Variants in CCSER1 observed in about 807,000 individuals in gnomAD.
CCSER1 encodes coiled-coil serine rich protein 1.
CCSER1 carries 41 observed loss-of-function variants against 82.0 expected under a neutral mutation model. The ratio of observed to expected loss-of-function variants is 0.50; its 90% CI spans 0.39 to 0.65. The LOEUF is 0.65. Ranked by LOEUF, CCSER1 falls within the 30% of genes least tolerant of loss-of-function variation. The pLI, the probability that CCSER1 is intolerant of heterozygous loss-of-function variation, is 0.00. For missense variants in CCSER1, 1,119 were observed against 1,064.2 expected, an observed-to-expected ratio of 1.05 and a Z score of -0.72; for synonymous variants, 414 against 383.9, an observed-to-expected ratio of 1.08 and a Z score of -0.92.
chr4:90,229,860 A>T (rs1283134683), intron 1 of CCSER1, among the ~76,000 whole-genome samples: 1 of 152,216 alleles, frequency 6.6e-6, no homozygotes, highest in African/African-American at 2.4e-5. Context: ...AACAAAGATC[A>T]AAAGAGACAA....
intron 10 of CCSER1, among the ~76,000 whole-genome samples, chr4:91,523,145 C>T (rs555687177): frequency 4.0e-4 from 60 of 151,366 alleles, no homozygotes; most frequent in African/African-American, 1.4e-3. Context: ...GTGGTTTTGT[C>T]GTTTAGTTCT....
rs962020989 is a variant in CCSER1 at position 91,085,870 on chromosome 4, T to G, written c.2173-80T>G. On this transcript the variant is annotated intron_variant, in intron 9 of 10. Coordinates refer to ENST00000509176, the MANE Select transcript of CCSER1 (RefSeq NM_001145065.2). ...ACGAATAAGTGAATTATTTCCTTTATTTCAAAATTATTGCACTAATATGAA... is the reference window on the plus strand; with the variant it reads ...ACGAATAAGTGAATTATTTCCTTTAGTTCAAAATTATTGCACTAATATGAA... The G allele has an allele frequency of 9.7e-6, 8 of 828,600 alleles. No individual in the cohort carries two copies. In the African/African-American group the frequency reaches 1.2e-4, roughly 13 times the overall value. 51.3% of individuals were successfully genotyped at this position (828,600 alleles called of 1,614,324 possible).
chr4:90,400,122 C>T lies in CCSER1; in HGVS notation c.1596C>T (p.His532=). 2 of 1,574,284 alleles carry T rather than the reference C, an allele frequency of 1.3e-6. No homozygotes were observed. Among genetic ancestry groups the T allele is most frequent in the Non-Finnish European group, 1.7e-6 (2 of 1,145,166 alleles). ...AATTTTTAGAGGAACAGAGTCTTCACCCTTCTGGTAAGTGTTAAAGAGATG... is the reference window on the plus strand; with the variant it reads ...AATTTTTAGAGGAACAGAGTCTTCATCCTTCTGGTAAGTGTTAAAGAGATG... ...DLEFLEEQSL[H]PSVCREDSYH... Residue 532 remains histidine (H), a synonymous_variant, in exon 4 of 11, where the codon CAC becomes CAT. Transcript: ENST00000509176.
chr4:90,894,179 A>G (rs1580968640), intron 8 of CCSER1, among the ~76,000 whole-genome samples: 1 of 152,212 alleles, frequency 6.6e-6, no homozygotes, highest in East Asian at 1.9e-4. Context: ...AGAATAAATA[A>G]CATAGTGAGA....
intron 3 of CCSER1, among the ~76,000 whole-genome samples, chr4:90,398,471 C>A (rs907351764): frequency 1.3e-5 from 2 of 152,156 alleles, no homozygotes; most frequent in Non-Finnish European, 2.9e-5. Flanking sequence ...AAGAGTCTCT[C>A]ATTTGGATAG....
chr4:91,346,605 G>A (rs145370536), intron 10 of CCSER1, among the ~76,000 whole-genome samples: 240 of 152,258 alleles, frequency 1.6e-3, no homozygotes, highest in African/African-American at 5.5e-3. Context: ...GTATCCACCA[G>A]CAATGAATGA....
At chr4:91,063,946 GT>G (rs1744159164) in intron 9 of CCSER1, among the ~76,000 whole-genome samples, 1 of 152,110 alleles carries the variant, frequency 6.6e-6, no homozygotes, top group Non-Finnish European at 1.5e-5. Flanking sequence ...ATAAAATCCT[GT>G]AATATTTTCT....
intron 1 of CCSER1, among the ~76,000 whole-genome samples, chr4:90,172,828 T>G (rs1434111128): frequency 6.6e-6 from 1 of 151,872 alleles, no homozygotes; most frequent in Non-Finnish European, 1.5e-5. Flanking sequence ...ACAATATGTG[T>G]GCCTGGTGGT....
At chr4:90,881,730 A>G (rs542099790) in intron 8 of CCSER1, among the ~76,000 whole-genome samples, 2 of 152,286 alleles carry the variant, frequency 1.3e-5, no homozygotes, top group African/African-American at 4.8e-5. Flanking sequence ...GGTTTCAGTG[A>G]GCCAAGATCA....
At chr4:91,148,162 C>A (rs1425056548) in intron 10 of CCSER1, among the ~76,000 whole-genome samples, 5 of 152,048 alleles carry the variant, frequency 3.3e-5, no homozygotes, top group Non-Finnish European at 7.4e-5. Context: ...TAGTGCAAAA[C>A]CTTTATCATA....
In CCSER1 at chr4:90,197,633, A is replaced by G. The variant is rs138506252; in HGVS notation, c.-42+69802A>G. 2.6e-4 allele frequency among the ~76,000 whole-genome samples: 40 copies of G among 152,276 alleles called. No homozygotes were observed. The East Asian group carries it at 5.2e-3, about 20-fold the overall frequency. On this transcript the variant is annotated intron_variant, in intron 1 of 10. Coordinates refer to ENST00000509176, the MANE Select transcript of CCSER1 (RefSeq NM_001145065.2). ...ATGAGATCCTGTCATTTGCAACAAC[A>G]TGGATGGAACCGGAGGTCATTATGT...
intron 8 of CCSER1, among the ~76,000 whole-genome samples, 170 bp from the exon 9 acceptor site, chr4:90,923,200 A>T (rs1347958720): frequency 1.3e-5 from 2 of 152,150 alleles, no homozygotes; most frequent in Admixed American, 1.3e-4. Flanking sequence ...GTGACCTAAA[A>T]ATTAAAGCTC....
chr4:90,308,674 T>C lies in CCSER1; in HGVS notation c.390T>C (p.Ser130=). The part of the protein sequence containing the change: ...SSSRNKKITR[S]LTEDFEREKE... ...CACGAAATAAGAAGATAACAAGATCTTTGACAGAGGATTTTGAAAGGGAAA... is the reference window on the plus strand; with the variant it reads ...CACGAAATAAGAAGATAACAAGATCCTTGACAGAGGATTTTGAAAGGGAAA... The change falls in exon 2 of 11, where the codon TCT becomes TCC. Residue 130 remains serine (S), a synonymous_variant. Transcript: ENST00000509176. The C allele has an allele frequency of 6.2e-7, 1 of 1,613,632 alleles. No individual in the cohort carries two copies. Among genetic ancestry groups the C allele is most frequent in the African/African-American group, 1.3e-5 (1 of 75,040 alleles).
chr4:90,902,376 C>T (rs1026287932), intron 8 of CCSER1, among the ~76,000 whole-genome samples: 2 of 152,022 alleles, frequency 1.3e-5, no homozygotes, highest in African/African-American at 4.8e-5. Context: ...GCTTTTTGTA[C>T]TGCTCAAGTT....
At chr4:91,042,509 C>T (rs1212467983) in intron 9 of CCSER1, among the ~76,000 whole-genome samples, 3 of 152,030 alleles carry the variant, frequency 2.0e-5, no homozygotes, top group Admixed American at 1.3e-4. Context: ...TGTATGTCTC[C>T]TTATTTAGTT....
chr4:91,183,589 T>A (rs1036128920), intron 10 of CCSER1, among the ~76,000 whole-genome samples: 6 of 152,150 alleles, frequency 3.9e-5, no homozygotes, highest in African/African-American at 1.4e-4. Context: ...ACAATCCGAG[T>A]TCTCCCAATC....
At chr4:90,468,550 G>A (rs1560566452) in intron 5 of CCSER1, 196 bp downstream of exon 5, 1 of 459,400 alleles carries the variant, frequency 2.2e-6, no homozygotes, top group East Asian at 3.7e-5. Context: ...TTTGAACCAT[G>A]TGTCATTCAA....
At chr4:91,288,286 G>A (rs1332784234) in intron 10 of CCSER1, among the ~76,000 whole-genome samples, 1 of 151,456 alleles carries the variant, frequency 6.6e-6, no homozygotes, top group African/African-American at 2.4e-5. Flanking sequence ...ACAAAATCTG[G>A]AGAAAATTCA....
intron 1 of CCSER1, among the ~76,000 whole-genome samples, chr4:90,196,379 C>G (rs1043242358): frequency 6.6e-6 from 1 of 151,964 alleles, no homozygotes; most frequent in African/African-American, 2.4e-5. Context: ...TGATTGACAG[C>G]CTTTATCCTT....
Sources: allele counts gnomAD v4.1 joint callset (sites outside exome capture counted in the v4.1 genomes callset), GRCh38; gene constraint gnomAD v4.1.1; transcripts MANE v1.5; gene names NCBI Gene and HGNC (gene_info 2026-07-23, HGNC 2026-07-21).